The following CRTC3 variants were observed in gnomAD, a reference collection of about 807,000 sequenced individuals.
CRTC3 encodes the protein CREB regulated transcription coactivator 3.
A neutral mutation model predicts 74.5 loss-of-function variants in CRTC3; 26 were observed. The observed-to-expected ratio is 0.35, with a 90% CI of 0.26 to 0.48. The LOEUF (loss-of-function observed/expected upper bound fraction) is 0.48, where lower values mean the gene tolerates loss of function less well. Among genes scored for constraint, CRTC3 ranks in the 20% least tolerant of loss-of-function variants. The pLI is 0.99. For missense variants in CRTC3, 760 were observed against 787.3 expected (o/e 0.97, Z 0.41); for synonymous variants, 377 against 325.8 (o/e 1.16, Z -1.69).
At chr15:90,568,151 G>A (rs1967168797) in intron 2 of CRTC3, among the ~76,000 whole-genome samples, 1 of 152,318 alleles carries the variant, frequency 6.6e-6, no homozygotes, top group African/African-American at 2.4e-5. Flanking sequence ...ATTAGAAGTG[G>A]AGCCTGAAGA....
At chr15:90,559,142 C>T (rs1966960108) in intron 2 of CRTC3, among the ~76,000 whole-genome samples, 1 of 152,126 alleles carries the variant, frequency 6.6e-6, no homozygotes, top group Non-Finnish European at 1.5e-5. Flanking sequence ...TGCTGTATTT[C>T]CAAAGTCTAG....
At chr15:90,626,505 T>TAAAG (rs1968838738) in intron 10 of CRTC3, among the ~76,000 whole-genome samples, 1 of 152,148 alleles carries the variant, frequency 6.6e-6, no homozygotes, top group Non-Finnish European at 1.5e-5. Context: ...ATTAGCTATA[T>TAAAG]AAAGATGCTA....
intron 5 of CRTC3, among the ~76,000 whole-genome samples, chr15:90,606,523 C>T (rs1215309264): frequency 7.9e-5 from 12 of 152,160 alleles, no homozygotes; most frequent in Admixed American, 1.3e-4. Flanking sequence ...GATCACACCA[C>T]TGCACTCCAG....
At position 90,642,070 on chromosome 15, in the gene CRTC3, T is replaced by G; in HGVS notation, c.1790T>G (p.Met597Arg). 2.5e-6 allele frequency: 4 copies of G among 1,613,976 alleles called. No homozygotes were observed. Among genetic ancestry groups the G allele is most frequent in the Non-Finnish European group, 3.4e-6 (4 of 1,180,000 alleles). ...CCCCTGAGCCTGGACGGACTCAACA[T>G]GTTAAGTGACTCCAGCATGGGCCTG... ...IEPLSLDGLN[M>R]LSDSSMGLLD... The change falls in exon 15 of 15, where the codon ATG becomes AGG. Residue 597 changes from methionine (M) to arginine (R), a missense_variant. Met to Arg is a moderately conservative substitution (Grantham distance 91, BLOSUM62 -1). Around this residue, in one of 2 missense-constraint regions of CRTC3, gnomAD observed 652 missense variants for 635.2 expected, o/e 1.03. Coordinates refer to ENST00000268184, the MANE Select transcript of CRTC3 (RefSeq NM_022769.5).
chr15:90,623,722 C>T (rs1442007118), intron 9 of CRTC3, among the ~76,000 whole-genome samples: 2 of 152,192 alleles, frequency 1.3e-5, no homozygotes, highest in Non-Finnish European at 2.9e-5. Flanking sequence ...GCCCACCCCG[C>T]GTCCAGCCTT....
chr15:90,557,004 A>G (rs1018617020), intron 2 of CRTC3, among the ~76,000 whole-genome samples: 2 of 143,736 alleles, frequency 1.4e-5, no homozygotes, highest in African/African-American at 2.6e-5. Context: ...ATATATCTTT[A>G]TAATACAATA....
intron 2 of CRTC3, among the ~76,000 whole-genome samples, chr15:90,545,795 G>A (rs559103595): frequency 3.9e-5 from 6 of 151,904 alleles, no homozygotes; most frequent in East Asian, 1.9e-4. Flanking sequence ...AGCCAGGATG[G>A]TCTCCATCTC....
At position 90,629,439 on chromosome 15, in the gene CRTC3, C is replaced by A. The variant is rs1454336726; in HGVS notation, c.1173C>A (p.Ser391Arg). ...CTCGGCGTCGGCAGCCTCCCGTCAG[C>A]CCTCTCACGCTTTCTCCTGGCCCTG... ...GPSRRRQPPV[S>R]PLTLSPGPEA... is the part of the protein sequence containing the mutation. Residue 391 changes from serine (S) to arginine (R), a missense_variant, in exon 11 of 15, where the codon AGC becomes AGA. By Grantham distance (110) the Ser-to-Arg change is moderately radical. This residue lies in a region of CRTC3 where 652 missense variants were observed against 635.2 expected (regional missense o/e 1.03). Coordinates refer to ENST00000268184, the MANE Select transcript of CRTC3 (RefSeq NM_022769.5). The A allele has an allele frequency of 6.2e-7, 1 of 1,614,152 alleles. No individual in the cohort carries two copies.
chr15:90,539,717 G>C, intron 1 of CRTC3: 1 of 304,472 alleles, frequency 3.3e-6, no homozygotes, highest in Non-Finnish European at 6.2e-6. Context: ...GTGGATAGTA[G>C]CTTAGTTTTT....
intron 4 of CRTC3, chr15:90,604,144 G>A (rs959264527): frequency 9.0e-6 from 4 of 443,930 alleles, no homozygotes; most frequent in African/African-American, 7.9e-5. Context: ...CTAATCCTGT[G>A]CCTTATGGGT....
intron 3 of CRTC3, among the ~76,000 whole-genome samples, chr15:90,596,617 CT>C (rs34011732): frequency 6.6e-6 from 1 of 152,064 alleles, no homozygotes; most frequent in South Asian, 2.1e-4. Context: ...AGCCCAGTCT[CT>C]TTTGAGGAAT....
intron 11 of CRTC3, among the ~76,000 whole-genome samples, chr15:90,636,488 T>C (rs1178555495): frequency 6.6e-6 from 1 of 151,398 alleles, no homozygotes; most frequent in Non-Finnish European, 1.5e-5. Flanking sequence ...ATTCAGGACA[T>C]AGGCATGGGC....
At chr15:90,545,142 C>T (rs977871014) in intron 2 of CRTC3, among the ~76,000 whole-genome samples, 1 of 152,118 alleles carries the variant, frequency 6.6e-6, no homozygotes, top group Non-Finnish European at 1.5e-5. Flanking sequence ...ATAATGTCTT[C>T]AGGGTTCACC....
At chr15:90,627,027 G>T (rs1468770658) in intron 10 of CRTC3, among the ~76,000 whole-genome samples, 1 of 152,194 alleles carries the variant, frequency 6.6e-6, no homozygotes, top group Non-Finnish European at 1.5e-5. Flanking sequence ...CATTTGGAAG[G>T]GATGCTCAGT....
intron 6 of CRTC3, among the ~76,000 whole-genome samples, chr15:90,612,077 C>T (rs1340037204): frequency 1.4e-5 from 2 of 143,536 alleles, no homozygotes; most frequent in Non-Finnish European, 3.1e-5. Context: ...TCCTCCTCCT[C>T]CTCCGCCTCC....
chr15:90,615,126 A>G (rs146212566), intron 7 of CRTC3, among the ~76,000 whole-genome samples: 213 of 152,336 alleles, frequency 1.4e-3, no homozygotes, highest in African/African-American at 3.7e-3. Flanking sequence ...TAGTTATTCC[A>G]GTAGTCTACC....
At chr15:90,580,709 T>TTCCTTTGTTATTTA (rs1967519882) in intron 2 of CRTC3, among the ~76,000 whole-genome samples, 1 of 152,090 alleles carries the variant, frequency 6.6e-6, no homozygotes, top group African/African-American at 2.4e-5. Flanking sequence ...ATTATAGGCG[T>TTCCTTTGTTATTTA]GAGCCACTGC....
intron 2 of CRTC3, among the ~76,000 whole-genome samples, chr15:90,593,215 A>G (rs369773655): frequency 9.8e-5 from 15 of 152,344 alleles, no homozygotes; most frequent in East Asian, 5.8e-4. Flanking sequence ...TGAATTTTCA[A>G]ACATTATGAA....
At chr15:90,552,193 A>G (rs1325876148) in intron 2 of CRTC3, among the ~76,000 whole-genome samples, 1 of 152,244 alleles carries the variant, frequency 6.6e-6, no homozygotes. Flanking sequence ...CTTCCACAGA[A>G]GTCAGCAGCC....
Sources: allele counts gnomAD v4.1 joint callset (sites outside exome capture counted in the v4.1 genomes callset), GRCh38; gene constraint gnomAD v4.1.1; regional missense constraint gnomAD v4.1.1; transcripts MANE v1.5; gene names NCBI Gene and HGNC (gene_info 2026-07-23, HGNC 2026-07-21).